Variants in IQSEC1 observed in about 807,000 individuals in gnomAD.
IQSEC1 encodes IQ motif and SEC7 domain-containing protein 1.
A neutral mutation model predicts 91.0 loss-of-function variants in IQSEC1; 31 were observed. The ratio of observed to expected loss-of-function variants is 0.34; its 90% CI spans 0.26 to 0.46. IQSEC1 has a LOEUF of 0.46. Among genes scored for constraint, IQSEC1 ranks in the 20% least tolerant of loss-of-function variants. The probability of loss-of-function intolerance (pLI) is 1.00; values close to 1 mark genes in which losing one functional copy is unlikely to be tolerated. For synonymous variants in IQSEC1, 699 were observed against 662.6 expected (o/e 1.05, Z -0.84); for missense variants, 1,388 against 1,575.6 (o/e 0.88, Z 2.02).
intron 2 of IQSEC1, among the ~76,000 whole-genome samples, chr3:13,109,975 C>G (rs911974275): frequency 6.6e-6 from 1 of 151,118 alleles, no homozygotes; most frequent in African/African-American, 2.4e-5. Context: ...CTCCACCTCC[C>G]AGGTTCAAGC....
rs1414803260 is a variant in IQSEC1 at position 12,967,363 on chromosome 3, G to C, written c.24-25498C>G. ...CCACCGCTCAGCACCCGGGAAGGCC[G>C]CTCGCCCCGCGCCGCGCCCTCACCC... On this transcript the variant is annotated intron_variant, in intron 1 of 13. Transcript: ENST00000613206. This position sits in a 1 kb window ranked among gnomAD's most constrained non-coding sequence, Gnocchi z 5.9. 8.5e-6 allele frequency: 13 copies of C among 1,526,722 alleles called. No individual in the cohort carries two copies. Among genetic ancestry groups the C allele is most frequent in the South Asian group, 1.2e-5 (1 of 82,944 alleles). The allele number at this position is 1,526,722 out of a possible 1,614,324, so 94.6% of individuals were successfully genotyped here.
At chr3:13,120,012 G>T (rs911629548) in intron 2 of IQSEC1, among the ~76,000 whole-genome samples, 2 of 152,212 alleles carry the variant, frequency 1.3e-5, no homozygotes, top group African/African-American at 2.4e-5. Flanking sequence ...CTCTCTGCTC[G>T]CCTGGGCAGG....
chr3:13,085,677 T>C (rs1488395855), intron 2 of IQSEC1, among the ~76,000 whole-genome samples: 2 of 152,158 alleles, frequency 1.3e-5, no homozygotes, highest in Non-Finnish European at 2.9e-5. Flanking sequence ...GAATAGCCGT[T>C]ACCAAAGTGA....
chr3:13,195,204 A>G (rs1383538760), intron 1 of IQSEC1, among the ~76,000 whole-genome samples: 2 of 152,244 alleles, frequency 1.3e-5, no homozygotes, highest in Admixed American at 1.3e-4. Flanking sequence ...AACACTTTAT[A>G]AGATACACAG....
chr3:12,997,220 T>C (rs946418013), intron 1 of IQSEC1, among the ~76,000 whole-genome samples: 4 of 152,240 alleles, frequency 2.6e-5, no homozygotes, highest in South Asian at 2.1e-4. Context: ...TCCTTTTGTG[T>C]ACAAGTTAAA....
At chr3:13,102,601 T>A (rs1706084152) in intron 2 of IQSEC1, among the ~76,000 whole-genome samples, 1 of 152,076 alleles carries the variant, frequency 6.6e-6, no homozygotes, top group African/African-American at 2.4e-5. Context: ...CCTTCCCCGG[T>A]CGGGTGGGGA....
At chr3:13,219,543 A>G (rs1255537022) in intron 1 of IQSEC1, among the ~76,000 whole-genome samples, 1 of 152,222 alleles carries the variant, frequency 6.6e-6, no homozygotes, top group African/African-American at 2.4e-5. Context: ...TGCCTCATTA[A>G]TACTCATCGC....
chr3:12,921,861 C>A (rs1696661528), intron 5 of IQSEC1, among the ~76,000 whole-genome samples: 2 of 152,194 alleles, frequency 1.3e-5, no homozygotes, highest in African/African-American at 4.8e-5. Flanking sequence ...CCTCTTTCAA[C>A]TTCAGTTTCC....
chr3:13,175,963 G>A lies in IQSEC1; in HGVS notation c.273-11830C>T, dbSNP rs574692809. 1.1e-4 allele frequency among the ~76,000 whole-genome samples: 16 copies of A among 152,338 alleles called. No individual in the cohort carries two copies. In the South Asian group the frequency reaches 3.3e-3, roughly 32 times the overall value. ...TAGCTTGCAATTTACGAATGCTGGG[G>A]GCACACAAGCACCCAGACACTTCTG... On this transcript the variant is annotated intron_variant, in intron 1 of 15. Transcript: ENST00000648114.
At chr3:12,961,675 CA>C (rs1467223769) in intron 1 of IQSEC1, among the ~76,000 whole-genome samples, 1 of 152,198 alleles carries the variant, frequency 6.6e-6, no homozygotes, top group Non-Finnish European at 1.5e-5. Context: ...CACATCTCCC[CA>C]AACAAGTAAT....
At chr3:13,001,043 T>TGGGTTCAA (rs2124826273) in intron 1 of IQSEC1, among the ~76,000 whole-genome samples, 1 of 148,972 alleles carries the variant, frequency 6.7e-6, no homozygotes, top group East Asian at 2.1e-4. Context: ...CTCTACCTCC[T>TGGGTTCAA]GGGTTCAAGC....
chr3:12,954,627 A>G (rs1402015619), intron 1 of IQSEC1, among the ~76,000 whole-genome samples: 1 of 152,088 alleles, frequency 6.6e-6, no homozygotes, highest in Non-Finnish European at 1.5e-5. Context: ...TCCATCTTTT[A>G]TCCTGCTTTT....
intron 1 of IQSEC1, among the ~76,000 whole-genome samples, chr3:13,016,746 T>C (rs1416953871): frequency 1.3e-5 from 2 of 152,346 alleles, no homozygotes; most frequent in East Asian, 3.9e-4. Flanking sequence ...TTTCAAACAG[T>C]CTTATTAAGA....
chr3:12,941,269 G>A (rs1297745977), intron 2 of IQSEC1, among the ~76,000 whole-genome samples: 4 of 152,310 alleles, frequency 2.6e-5, no homozygotes, highest in East Asian at 1.9e-4. Flanking sequence ...TGGGCCATGC[G>A]GGTCATGGAA....
chr3:13,186,986 T>A (rs1229800278), intron 1 of IQSEC1, among the ~76,000 whole-genome samples: 1 of 152,104 alleles, frequency 6.6e-6, no homozygotes, highest in Non-Finnish European at 1.5e-5. Flanking sequence ...CCCTCCTTCC[T>A]TCCTGCCGCC....
rs1698102096 is a variant in IQSEC1 at position 12,935,642 on chromosome 3, G to A, written c.1374C>T (p.Ser458=). ...CGTTGGAGTTGGACGTGCTGTTGAT[G>A]CTGTCATTGTCACCGTCTGAGTAGT... The part of the protein sequence containing the change: ...ESDYSDGDND[S]INSTSNSNDT... The change falls in exon 3 of 14, where the codon AGC becomes AGT. Residue 458 remains serine (S), a synonymous_variant. Coordinates refer to ENST00000613206, the MANE Select transcript of IQSEC1 (RefSeq NM_001134382.3). The surrounding 1 kb of genome is among the most constrained non-coding windows in gnomAD (Gnocchi z 8.0). The A allele has an allele frequency of 3.1e-6, 5 of 1,614,126 alleles. No homozygotes were observed. Among genetic ancestry groups the A allele is most frequent in the Non-Finnish European group, 3.4e-6 (4 of 1,180,048 alleles).
chr3:13,184,783 C>T (rs182109423), intron 1 of IQSEC1, among the ~76,000 whole-genome samples: 4 of 152,264 alleles, frequency 2.6e-5, no homozygotes, highest in African/African-American at 9.6e-5. Context: ...ACAATTCCAT[C>T]GTTTTCTATC....
chr3:13,019,031 GTGA>G (rs1401865423), intron 1 of IQSEC1, among the ~76,000 whole-genome samples: 1 of 152,214 alleles, frequency 6.6e-6, no homozygotes, highest in Non-Finnish European at 1.5e-5. Context: ...ACAGAACCCA[GTGA>G]TGACCTGCCA....
intron 2 of IQSEC1, among the ~76,000 whole-genome samples, chr3:13,081,761 C>T (rs1485900523): frequency 6.6e-6 from 1 of 152,234 alleles, no homozygotes; most frequent in Non-Finnish European, 1.5e-5. Context: ...GGGTTTGAAG[C>T]TGGCTCCGAC....
Sources: allele counts gnomAD v4.1 joint callset (sites outside exome capture counted in the v4.1 genomes callset), GRCh38; gene constraint gnomAD v4.1.1; non-coding constraint Gnocchi (gnomAD v3.1); transcripts MANE v1.5; gene names NCBI Gene and HGNC (gene_info 2026-07-23, HGNC 2026-07-21).